The following WWOX variants were observed in gnomAD, a reference collection of about 807,000 sequenced individuals.
The protein encoded by WWOX is WW domain-containing oxidoreductase.
WWOX carries 69 observed loss-of-function variants against 46.2 expected under a neutral mutation model. The observed-to-expected ratio is 1.49, with a 90% CI of 1.23 to 1.82. WWOX has a LOEUF of 1.82. Ranked by LOEUF, WWOX falls within the 40% of genes most tolerant of loss-of-function variation. The pLI is 0.00. For missense variants in WWOX, 919 were observed against 542.6 expected (o/e 1.69, Z -6.89); for synonymous variants, 359 against 202.6 (o/e 1.77, Z -6.56).
rs138216032 is a variant in WWOX at position 78,253,394 on chromosome 16, A to G, written c.516+89105A>G. Reference sequence around the variant, plus strand: ...ATGTGCTTCGACTTTCAGCCTTTACAGAAACCCTGTGAATAGACATTATTA... The same window carrying G: ...ATGTGCTTCGACTTTCAGCCTTTACGGAAACCCTGTGAATAGACATTATTA... On this transcript the variant is annotated intron_variant, in intron 5 of 8. Transcript: ENST00000566780. Among the ~76,000 whole-genome samples the G allele has an allele frequency of 3.3e-5, 5 of 152,324 alleles. No homozygotes were observed. In the East Asian group the frequency reaches 9.6e-4, roughly 29 times the overall value.
rs535294151 is a variant in WWOX at position 79,212,441 on chromosome 16, G to C, written c.*645G>C. On this transcript the variant is annotated 3_prime_UTR_variant, in exon 9 of 9. Transcript: ENST00000566780. The stretch of plus-strand genomic sequence containing the variant: ...CTAATGCTATGCAAAAAATTCTTTA[G>C]AGATTATAACAAATTTTTCAAATCA... 22 of 282,076 alleles carry C rather than the reference G, an allele frequency of 7.8e-5. No homozygotes were observed. The highest frequency in any genetic ancestry group is 1.1e-4 in the Non-Finnish European group (17 of 149,758). 17.5% of individuals were successfully genotyped at this position (282,076 alleles called of 1,614,324 possible).
chr16:79,060,426 C>T (rs2048338127), intron 8 of WWOX, among the ~76,000 whole-genome samples: 1 of 152,246 alleles, frequency 6.6e-6, no homozygotes, highest in African/African-American at 2.4e-5. Context: ...GATGCCCGTG[C>T]TTTCTGATGC....
rs576155292 is a variant in WWOX, at chr16:78,395,754, T to G, written c.605+8806T>G. The stretch of plus-strand genomic sequence containing the variant: ...ACTGAGTATGGTTTTTTGTTTTGTT[T>G]TTTCTTTTTCTTTTTCTTTTTCTTT... On this transcript the variant is annotated intron_variant, in intron 6 of 8. Transcript: ENST00000566780. 9.9e-5 allele frequency among the ~76,000 whole-genome samples: 7 copies of G among 70,754 alleles called. No individual in the cohort carries two copies. The East Asian group carries it at 7.6e-3, about 77-fold the overall frequency. The allele number at this position is 70,754 out of a possible 152,430, so 46.4% of individuals were successfully genotyped here.
chr16:79,206,925 C>T (rs374851802), intron 8 of WWOX, among the ~76,000 whole-genome samples: 1 of 152,062 alleles, frequency 6.6e-6, no homozygotes, highest in Non-Finnish European at 1.5e-5. Context: ...GAACAAGTGG[C>T]CTTTTGGAGC....
intron 8 of WWOX, among the ~76,000 whole-genome samples, chr16:78,717,147 T>C (rs1335105792): frequency 6.6e-6 from 1 of 152,210 alleles, no homozygotes; most frequent in East Asian, 1.9e-4. Context: ...GTGCTCTGTG[T>C]AAATCTAGTC....
Position 78,349,648 on chromosome 16 carries a change from C to G in WWOX, c.517-37212C>G, listed in dbSNP as rs1156259406. ...GATTGGTATGAGCCCTAATGGTGCA[C>G]CCTTCCGACAATCCTTCATCCTTCC... is the stretch of plus-strand genomic sequence containing the variant. On this transcript the variant is annotated intron_variant, in intron 5 of 8. Transcript: ENST00000566780. Among the ~76,000 whole-genome samples, 3 of 120,420 alleles carry G rather than the reference C, an allele frequency of 2.5e-5. 1 individual carries two copies. The highest frequency in any genetic ancestry group is 5.9e-5 in the Non-Finnish European group (3 of 50,482). The allele number at this position is 120,420 out of a possible 152,430, so 79.0% of individuals were successfully genotyped here.
intron 8 of WWOX, among the ~76,000 whole-genome samples, chr16:79,093,309 G>C (rs191408348): frequency 8.5e-4 from 130 of 152,164 alleles, no homozygotes; most frequent in Non-Finnish European, 1.6e-3. Flanking sequence ...ACTGACAGTA[G>C]TTGCGTTTAG....
At chr16:78,289,655 AGT>A (rs757798441) in intron 5 of WWOX, among the ~76,000 whole-genome samples, 5 of 152,358 alleles carry the variant, frequency 3.3e-5, no homozygotes, top group Non-Finnish European at 7.3e-5. Flanking sequence ...AAGAGACCTA[AGT>A]TTATATACAC....
chr16:79,172,093 T>C (rs551392154), intron 8 of WWOX, among the ~76,000 whole-genome samples: 2 of 152,322 alleles, frequency 1.3e-5, no homozygotes, highest in South Asian at 4.1e-4. Context: ...GACTGTCCTC[T>C]GTCACCATGT....
At chr16:79,162,251 C>T (rs2050500918) in intron 8 of WWOX, among the ~76,000 whole-genome samples, 1 of 152,186 alleles carries the variant, frequency 6.6e-6, no homozygotes, top group African/African-American at 2.4e-5. Context: ...TTCAGTAAGT[C>T]ATCACGGAAG....
chr16:78,606,625 T>C (rs1461677695), intron 8 of WWOX, among the ~76,000 whole-genome samples: 1 of 150,142 alleles, frequency 6.7e-6, no homozygotes, highest in Non-Finnish European at 1.5e-5. Context: ...GGTGCGAAAA[T>C]CAGTGACACG....
chr16:78,626,529 G>C (rs938640852), intron 8 of WWOX, among the ~76,000 whole-genome samples: 1 of 152,084 alleles, frequency 6.6e-6, no homozygotes, highest in Admixed American at 6.6e-5. Context: ...TCATCACATC[G>C]TATCAAGCAT....
At chr16:78,460,490 C>T (rs1567586352) in intron 8 of WWOX, among the ~76,000 whole-genome samples, 1 of 152,304 alleles carries the variant, frequency 6.6e-6, no homozygotes, top group East Asian at 1.9e-4. Context: ...TCCCTGAATA[C>T]TCAAGCTTCC....
intron 8 of WWOX, among the ~76,000 whole-genome samples, chr16:78,620,743 T>C (rs1387800087): frequency 6.6e-6 from 1 of 152,174 alleles, no homozygotes; most frequent in Middle Eastern, 3.2e-3. Context: ...CATATTTGCA[T>C]AGAAATAATC....
chr16:78,167,775 C>T (rs2035020721), intron 5 of WWOX: 2 of 152,300 alleles, frequency 1.3e-5, no homozygotes, highest in African/African-American at 4.8e-5. Flanking sequence ...GTAAGGCCTT[C>T]TTGCTCTGGT....
chr16:78,756,199 C>T (rs1567539124), intron 8 of WWOX, among the ~76,000 whole-genome samples: 5 of 152,142 alleles, frequency 3.3e-5, no homozygotes, highest in Admixed American at 6.5e-5. Context: ...GGATCTTTGA[C>T]ACATACGCTT....
At chr16:78,192,536 C>T (rs2035916630) in intron 5 of WWOX, among the ~76,000 whole-genome samples, 1 of 150,766 alleles carries the variant, frequency 6.6e-6, no homozygotes, top group Non-Finnish European at 1.5e-5. Context: ...ACAAATAGGA[C>T]CCATATCCCT....
At chr16:78,249,606 G>A (rs927087372) in intron 5 of WWOX, among the ~76,000 whole-genome samples, 5 of 152,190 alleles carry the variant, frequency 3.3e-5, no homozygotes, top group Admixed American at 3.3e-4. Context: ...TGAGAAGGCC[G>A]TTCATCTGGA....
At chr16:78,190,378 G>C (rs2035847268) in intron 5 of WWOX, among the ~76,000 whole-genome samples, 1 of 152,138 alleles carries the variant, frequency 6.6e-6, no homozygotes, top group Non-Finnish European at 1.5e-5. Flanking sequence ...CTTGAAATAA[G>C]GTGGAACTAA....
Sources: allele counts gnomAD v4.1 joint callset (sites outside exome capture counted in the v4.1 genomes callset), GRCh38; gene constraint gnomAD v4.1.1; transcripts MANE v1.5; gene names NCBI Gene and HGNC (gene_info 2026-07-23, HGNC 2026-07-21).